Variants in EDC3 observed in about 807,000 individuals in gnomAD.
EDC3 encodes enhancer of mRNA-decapping protein 3.
EDC3 carries 20 observed loss-of-function variants against 41.8 expected under a neutral mutation model. The ratio of observed to expected loss-of-function variants is 0.48; its 90% CI spans 0.34 to 0.70. EDC3 has a LOEUF of 0.70. Among genes scored for constraint, EDC3 ranks in the 30% least tolerant of loss-of-function variants. The probability of loss-of-function intolerance (pLI) is 0.01; values close to 1 mark genes in which losing one functional copy is unlikely to be tolerated. For missense variants in EDC3, 444 were observed against 636.8 expected (o/e 0.70, Z 3.26); for synonymous variants, 206 against 243.2 (o/e 0.85, Z 1.42).
intron 4 of EDC3, chr15:74,640,961 G>A (rs941221999): frequency 3.2e-5 from 9 of 277,504 alleles, no homozygotes; most frequent in Non-Finnish European, 2.8e-5. Flanking sequence ...TCAGGCACAT[G>A]AGAAGAGAAC....
At chr15:74,642,118 C>T (rs1002218354) in intron 4 of EDC3, 3 of 152,156 alleles carry the variant, frequency 2.0e-5, no homozygotes, top group Admixed American at 2.0e-4. Context: ...GTTTTAACAA[C>T]AGGAAACCAA....
chr15:74,646,127 C>T (rs2062415761), intron 4 of EDC3, among the ~76,000 whole-genome samples: 1 of 145,456 alleles, frequency 6.9e-6, no homozygotes, highest in Admixed American at 7.1e-5. Flanking sequence ...GGCTGGAGTG[C>T]AATGGTATGA....
chr15:74,671,782 A>G lies in EDC3; in HGVS notation c.165-8T>C. Reference sequence around the variant, plus strand: ...TCCGTAATGTCACCTGCCCTGAAATACACAAAAAAGCCAAGTCTCAAAATT... The same window carrying G: ...TCCGTAATGTCACCTGCCCTGAAATGCACAAAAAAGCCAAGTCTCAAAATT... On this transcript the variant is annotated splice_polypyrimidine_tract_variant and splice_region_variant and intron_variant, in intron 2 of 6. Coordinates refer to ENST00000315127, the MANE Select transcript of EDC3 (RefSeq NM_025083.5). The surrounding 1 kb of genome is among the most constrained non-coding windows in gnomAD (Gnocchi z 4.6). 1 of 1,610,236 alleles carries G rather than the reference A, an allele frequency of 6.2e-7. No individual in the cohort carries two copies. Among genetic ancestry groups the G allele is most frequent in the East Asian group, 2.2e-5 (1 of 44,796 alleles).
chr15:74,635,645 A>C lies in EDC3; in HGVS notation c.975-19T>G, dbSNP rs1198671008. On this transcript the variant is annotated intron_variant, in intron 5 of 6. Coordinates refer to ENST00000315127, the MANE Select transcript of EDC3 (RefSeq NM_025083.5). ...ATTCAACCTGGAAAAGAAGGTGAAGAAGCAGTATCAGCTACATACTTGCCA... is the reference window on the plus strand; with the variant it reads ...ATTCAACCTGGAAAAGAAGGTGAAGCAGCAGTATCAGCTACATACTTGCCA... 3.7e-6 allele frequency: 6 copies of C among 1,608,218 alleles called. No individual in the cohort carries two copies. In the African/African-American group the frequency reaches 8.0e-5, roughly 22 times the overall value.
intron 6 of EDC3, 83 bp from the exon 7 acceptor site, chr15:74,633,029 G>T: frequency 7.1e-7 from 1 of 1,405,330 alleles, no homozygotes; most frequent in Non-Finnish European, 9.7e-7. Context: ...GTCACCCCAA[G>T]GGTGTCTTTG....
At chr15:74,658,818 T>C (rs2062585093) in intron 3 of EDC3, among the ~76,000 whole-genome samples, 1 of 151,920 alleles carries the variant, frequency 6.6e-6, no homozygotes. Flanking sequence ...CATGCGCCTG[T>C]AGTCCCAGCT....
intron 5 of EDC3, chr15:74,636,498 A>G (rs1426006646): frequency 6.6e-6 from 1 of 152,242 alleles, no homozygotes; most frequent in Non-Finnish European, 1.5e-5. Flanking sequence ...CAGAGAAGCC[A>G]CAAATAAGGA....
intron 4 of EDC3, among the ~76,000 whole-genome samples, chr15:74,654,803 T>C (rs1358847715): frequency 6.6e-6 from 1 of 152,018 alleles, no homozygotes; most frequent in African/African-American, 2.4e-5. Context: ...AAAAAAGCCA[T>C]GTCTGGCTTT....
At chr15:74,645,256 A>G (rs998591197) in intron 4 of EDC3, 2 of 152,178 alleles carry the variant, frequency 1.3e-5, no homozygotes, top group African/African-American at 4.8e-5. Flanking sequence ...TTGCATACGG[A>G]GTATATTAGA....
intron 4 of EDC3, 125 bp from the exon 5 acceptor site, chr15:74,640,744 T>C: frequency 8.1e-7 from 1 of 1,242,018 alleles, no homozygotes; most frequent in South Asian, 1.3e-5. Context: ...GCCCATCCTC[T>C]TCATCTTCCG....
chr15:74,691,373 G>A (rs779656612), intron 1 of EDC3, among the ~76,000 whole-genome samples: 1 of 152,182 alleles, frequency 6.6e-6, no homozygotes. Context: ...AAGATTAAAT[G>A]AGATAATCCA....
intron 4 of EDC3, among the ~76,000 whole-genome samples, chr15:74,652,893 T>C (rs112617820): frequency 0.012 from 1,771 of 152,076 alleles, 13 homozygotes; most frequent in Non-Finnish European, 0.02. Context: ...GGAAAACCCT[T>C]TACCAGCTGG....
intron 2 of EDC3, among the ~76,000 whole-genome samples, chr15:74,672,826 A>AT (rs574259722): frequency 9.0e-4 from 135 of 149,994 alleles, no homozygotes; most frequent in South Asian, 6.7e-3. Context: ...AAAAAAAAAA[A>AT]TTTTTTTTTT....
intron 4 of EDC3, among the ~76,000 whole-genome samples, chr15:74,648,094 A>G (rs939163154): frequency 6.6e-6 from 1 of 152,178 alleles, no homozygotes; most frequent in African/African-American, 2.4e-5. Context: ...TGATTCTCTC[A>G]ATGGGAAGAA....
intron 5 of EDC3, chr15:74,635,975 C>T (rs2062268282): frequency 3.5e-6 from 1 of 286,590 alleles, no homozygotes; most frequent in Non-Finnish European, 6.7e-6. Flanking sequence ...GTCTGCTTCA[C>T]TCCAGCAGGG....
In EDC3 at chr15:74,649,853, GA is replaced by G. The variant is rs1203788296; in HGVS notation, c.820+5879del. ...CTCAGGCACAAAGCATTGCAGGAGG[GA>G]AAAAAAGGGGGGGGGGGTCACAAAA... On this transcript the variant is annotated intron_variant, in intron 4 of 6. Transcript: ENST00000315127. 1.0e-4 allele frequency among the ~76,000 whole-genome samples: 12 copies of G among 114,512 alleles called. No homozygotes were observed. The South Asian group carries it at 2.4e-3, about 23-fold the overall frequency. 75.1% of individuals were successfully genotyped at this position (114,512 alleles called of 152,430 possible).
At chr15:74,674,073 G>A (rs1422557552) in intron 2 of EDC3, among the ~76,000 whole-genome samples, 1 of 152,088 alleles carries the variant, frequency 6.6e-6, no homozygotes, top group Non-Finnish European at 1.5e-5. Flanking sequence ...CTAAAGGACA[G>A]TACTGTACTT....
At position 74,654,262 on chromosome 15, in the gene EDC3, A is replaced by G. The variant is rs569117058; in HGVS notation, c.820+1471T>C. On this transcript the variant is annotated intron_variant, in intron 4 of 6. Transcript: ENST00000315127. ...GAGTGAGACTTCGTCTCAAAAAAAAAAAAAAAAAATCCTGCAGTGTAAATA... is the reference window on the plus strand; with the variant it reads ...GAGTGAGACTTCGTCTCAAAAAAAAGAAAAAAAAATCCTGCAGTGTAAATA... Among the ~76,000 whole-genome samples the G allele has an allele frequency of 4.0e-4, 61 of 152,132 alleles. 1 individual carries two copies. The highest frequency in any genetic ancestry group is 1.4e-3 in the African/African-American group (60 of 41,486).
chr15:74,668,058 C>A (rs2062696982), intron 3 of EDC3, among the ~76,000 whole-genome samples: 1 of 152,132 alleles, frequency 6.6e-6, no homozygotes, highest in Non-Finnish European at 1.5e-5. Context: ...TGGTACTTTA[C>A]CTCTGTTGTC....
Sources: gnomAD v4.1 joint callset for allele counts (sites outside exome capture counted in the v4.1 genomes callset) on GRCh38, gnomAD v4.1.1 for gene constraint, Gnocchi (gnomAD v3.1) non-coding constraint, MANE v1.5 for transcripts, NCBI Gene and HGNC (gene_info 2026-07-23, HGNC 2026-07-21) for gene names.